Variants in FGFR2 observed in about 807,000 individuals in gnomAD.
FGFR2 encodes BEK fibroblast growth factor receptor.
A neutral mutation model predicts 95.9 loss-of-function variants in FGFR2; 19 were observed. That is an observed-to-expected ratio of 0.20 (90% CI 0.14 to 0.29). The LOEUF (loss-of-function observed/expected upper bound fraction) is 0.29, where lower values mean the gene tolerates loss of function less well. Among genes scored for constraint, FGFR2 ranks in the 10% least tolerant of loss-of-function variants. The pLI, the probability that FGFR2 is intolerant of heterozygous loss-of-function variation, is 1.00. For synonymous variants in FGFR2, 392 were observed against 393.3 expected (o/e 1.00, Z 0.04); for missense variants, 707 against 1,056.9 (o/e 0.67, Z 4.59).
At chr10:121,493,337 C>G (rs1349358362) in intron 13 of FGFR2, among the ~76,000 whole-genome samples, 1 of 152,134 alleles carries the variant, frequency 6.6e-6, no homozygotes, top group Non-Finnish European at 1.5e-5. Context: ...TAGCAAAGTT[C>G]GTCTCTTAGT....
rs1181695501 is a variant in FGFR2 at position 121,509,495 on chromosome 10, T to G, written c.1288-5554A>C. 4.6e-3 allele frequency among the ~76,000 whole-genome samples: 499 copies of G among 109,318 alleles called. 3 individuals are homozygous for G. The highest frequency in any genetic ancestry group is 0.016 in the African/African-American group (447 of 27,290). 71.7% of individuals were successfully genotyped at this position (109,318 alleles called of 152,430 possible). A position where few individuals can be genotyped will look rare whatever the true frequency, so the allele number is the denominator to read the frequency against. ...TCTGTTTCTTTTCTTTTTTTTTTTT[T>G]TTTTTTTTTTTTTTGGTTTGAGACA... On this transcript the variant is annotated intron_variant, in intron 9 of 17. Transcript: ENST00000358487.
At chr10:121,509,154 A>G (rs1013256607) in intron 9 of FGFR2, among the ~76,000 whole-genome samples, 7 of 152,234 alleles carry the variant, frequency 4.6e-5, no homozygotes, top group Admixed American at 1.3e-4. Flanking sequence ...CTTCAATTCC[A>G]GAGTTTCATT....
At chr10:121,555,371 CTCAA>C (rs3036011) in intron 4 of FGFR2, among the ~76,000 whole-genome samples, 85,041 of 142,648 alleles carry the variant, frequency 0.6, 24,576 homozygotes, top group East Asian at 0.79. Context: ...AAAACTCTGT[CTCAA>C]TCAATCAATC....
chr10:121,577,839 A>G (rs1860173377), intron 2 of FGFR2, among the ~76,000 whole-genome samples: 1 of 151,984 alleles, frequency 6.6e-6, no homozygotes, highest in African/African-American at 2.4e-5. Flanking sequence ...CGTATCCAAA[A>G]CAAGCAAGTG....
At chr10:121,568,689 C>T (rs747893685) in intron 2 of FGFR2, among the ~76,000 whole-genome samples, 2 of 152,124 alleles carry the variant, frequency 1.3e-5, no homozygotes, top group African/African-American at 2.4e-5. Context: ...ATCTCTCTCC[C>T]GGCAAAGGAG....
intron 2 of FGFR2, among the ~76,000 whole-genome samples, chr10:121,580,965 G>A (rs994404189): frequency 2.0e-5 from 3 of 152,188 alleles, no homozygotes; most frequent in South Asian, 2.1e-4. Flanking sequence ...TCCCCCAGGC[G>A]AGGCACCTGG....
At chr10:121,496,340 T>A (rs1249110857) in intron 13 of FGFR2, among the ~76,000 whole-genome samples, 192 bp downstream of exon 13, 1 of 152,230 alleles carries the variant, frequency 6.6e-6, no homozygotes, top group African/African-American at 2.4e-5. Context: ...AGCGATGCTA[T>A]AGGTTTATGA....
intron 2 of FGFR2, among the ~76,000 whole-genome samples, chr10:121,579,232 G>A (rs1237204882): frequency 6.6e-6 from 1 of 152,228 alleles, no homozygotes; most frequent in Non-Finnish European, 1.5e-5. Flanking sequence ...TATTTAAAGT[G>A]AGGGGCACGT....
At chr10:121,500,621 A>G (rs1420776372) in intron 11 of FGFR2, among the ~76,000 whole-genome samples, 1 of 152,210 alleles carries the variant, frequency 6.6e-6, no homozygotes, top group African/African-American at 2.4e-5. Context: ...CTTTCTAACA[A>G]AACTGGCTTT....
chr10:121,579,136 A>G (rs1200816421), intron 2 of FGFR2, among the ~76,000 whole-genome samples: 1 of 152,192 alleles, frequency 6.6e-6, no homozygotes, highest in East Asian at 1.9e-4. Context: ...TGCTTTAGAG[A>G]AGAGAAAAAC....
chr10:121,512,006 G>A (rs929395050), intron 9 of FGFR2, among the ~76,000 whole-genome samples: 9 of 152,326 alleles, frequency 5.9e-5, no homozygotes, highest in Admixed American at 5.2e-4. Context: ...TGGACTGAGG[G>A]ACCTGAGTGA....
intron 4 of FGFR2, among the ~76,000 whole-genome samples, chr10:121,551,725 G>A (rs1485066882): frequency 6.6e-6 from 1 of 151,506 alleles, no homozygotes; most frequent in Non-Finnish European, 1.5e-5. Context: ...TGTTCTTGAT[G>A]CCAGAAAATA....
chr10:121,548,338 C>G (rs1398522595), intron 5 of FGFR2, among the ~76,000 whole-genome samples: 2 of 134,124 alleles, frequency 1.5e-5, no homozygotes, highest in African/African-American at 5.6e-5. Context: ...ATTTCCTTTT[C>G]CCTCCAGAAA....
chr10:121,576,172 A>G (rs1859719687), intron 2 of FGFR2, among the ~76,000 whole-genome samples: 1 of 152,202 alleles, frequency 6.6e-6, no homozygotes, highest in African/African-American at 2.4e-5. Flanking sequence ...GGGCAACAAG[A>G]GCGAAACTCC....
intron 6 of FGFR2, among the ~76,000 whole-genome samples, chr10:121,528,475 T>A (rs910456626): frequency 2.6e-5 from 4 of 152,204 alleles, no homozygotes; most frequent in Non-Finnish European, 5.9e-5. Context: ...GCTGGCAGGT[T>A]TCATCAACCT....
chr10:121,565,676 T>G lies in FGFR2; in HGVS notation c.138A>C (p.Gln46His), dbSNP rs748117555. 7 of 1,613,922 alleles carry G rather than the reference T, an allele frequency of 4.3e-6. No homozygotes were observed. In the Admixed American group the frequency reaches 1.0e-4, roughly 23 times the overall value. Reference sequence around the variant, plus strand: ...CTGGCGCAGCCACGTACACTTCTGGTTGAGAGATTTGGTATTTGGTTGGTG... The same window carrying G: ...CTGGCGCAGCCACGTACACTTCTGGGTGAGAGATTTGGTATTTGGTTGGTG... ...EEPPTKYQIS[Q>H]PEVYVAAPGE... The change falls in exon 3 of 18, where the codon CAA becomes CAC. Residue 46 changes from glutamine (Q) to histidine (H), a missense_variant. Gln to His is a conservative substitution (Grantham distance 24). Around this residue, in one of 7 missense-constraint regions of FGFR2, gnomAD observed 178 missense variants for 194.1 expected, o/e 0.92. Coordinates refer to ENST00000358487, the MANE Select transcript of FGFR2 (RefSeq NM_000141.5).
intron 2 of FGFR2, among the ~76,000 whole-genome samples, chr10:121,570,788 A>G (rs1858538586): frequency 1.3e-5 from 2 of 152,218 alleles, no homozygotes; most frequent in African/African-American, 4.8e-5. Flanking sequence ...GTATTGGCCA[A>G]TCTTTGTCAC....
chr10:121,559,268 T>C (rs1172797586), intron 4 of FGFR2, among the ~76,000 whole-genome samples: 3 of 152,206 alleles, frequency 2.0e-5, no homozygotes, highest in Non-Finnish European at 4.4e-5. Context: ...GAAATCAATC[T>C]GGACACATGA....
chr10:121,502,688 C>A (rs1847751974), intron 10 of FGFR2, among the ~76,000 whole-genome samples: 1 of 152,168 alleles, frequency 6.6e-6, no homozygotes, highest in Non-Finnish European at 1.5e-5. Flanking sequence ...CTGAAAATGT[C>A]AAGGCAAACA....
Sources: allele counts gnomAD v4.1 joint callset (sites outside exome capture counted in the v4.1 genomes callset), GRCh38; gene constraint gnomAD v4.1.1; regional missense constraint gnomAD v4.1.1; transcripts MANE v1.5; gene names NCBI Gene and HGNC (gene_info 2026-07-23, HGNC 2026-07-21).